The following OR7D4 variants were observed in gnomAD, a reference collection of about 807,000 sequenced individuals.
The protein encoded by OR7D4 is olfactory receptor 7D4.
For synonymous variants in OR7D4, 154 were observed against 158.4 expected (o/e 0.97, Z 0.21); for missense variants, 319 against 377.1 (o/e 0.85, Z 1.27).
At position 9,213,873 on chromosome 19, in the gene OR7D4, C is replaced by G; in HGVS notation, c.*26G>C. 1 of 1,543,520 alleles carries G rather than the reference C, an allele frequency of 6.5e-7. No homozygotes were observed. Among genetic ancestry groups the G allele is most frequent in the Non-Finnish European group, 8.9e-7 (1 of 1,118,532 alleles). ...TTTGCCTTAGGGGTACGCAGTGTGT[C>G]CTCTTAGTTCTGAGGCCCTGATTTG... is the stretch of plus-strand genomic sequence containing the variant. On this transcript the variant is annotated 3_prime_UTR_variant, in exon 2 of 2. Coordinates refer to ENST00000641669, the MANE Select transcript of OR7D4 (RefSeq NM_001005191.3).
At chr19:9,215,874 C>T (rs1389480937) in intron 1 of OR7D4, among the ~76,000 whole-genome samples, 6 of 152,134 alleles carry the variant, frequency 3.9e-5, no homozygotes, top group Admixed American at 1.3e-4. Flanking sequence ...AGTCTGTTTT[C>T]ACTCTGCTGA....
chr19:9,213,597 C>T lies in OR7D4; in HGVS notation c.*302G>A, dbSNP rs928238967. On this transcript the variant is annotated 3_prime_UTR_variant, in exon 2 of 2. Transcript: ENST00000641669. The stretch of plus-strand genomic sequence containing the variant: ...TACTAAAAATACAAAAATTAGCTGG[C>T]TGTGGTGGCACACACCTGTAATCTC... The T allele has an allele frequency of 3.9e-5, 12 of 306,152 alleles. No individual in the cohort carries two copies. Among genetic ancestry groups the T allele is most frequent in the Non-Finnish European group, 5.5e-5 (9 of 163,020 alleles). 19.0% of individuals were successfully genotyped at this position (306,152 alleles called of 1,614,324 possible). A position where few individuals can be genotyped will look rare whatever the true frequency, so the allele number is the denominator to read the frequency against.
At chr19:9,216,857 G>T (rs2051218188) in intron 1 of OR7D4, among the ~76,000 whole-genome samples, 1 of 152,206 alleles carries the variant, frequency 6.6e-6, no homozygotes, top group Non-Finnish European at 1.5e-5. Context: ...CTCCCAATGT[G>T]CTGAGATTAC....
intron 1 of OR7D4, among the ~76,000 whole-genome samples, chr19:9,216,539 C>G (rs957746436): frequency 6.6e-6 from 1 of 152,020 alleles, no homozygotes; most frequent in African/African-American, 2.4e-5. Context: ...TGTCATTTGT[C>G]TACTATGATT....
In OR7D4 at chr19:9,214,144, T is replaced by G; in HGVS notation, c.694A>C (p.Lys232Gln). The change falls in exon 2 of 2, where the codon AAG becomes CAG. Residue 232 changes from lysine to glutamine, a missense_variant. Transcript: ENST00000641669. ...GTGGAAAAGGCTTTGTACTTGCCCT[T>G]GGTGGAGGACATTCCCATTAAGGAG... The part of the protein sequence containing the change: ...VSSLMGMSST[K>Q]GKYKAFSTCG... The G allele has an allele frequency of 6.2e-7, 1 of 1,612,124 alleles. No individual in the cohort carries two copies. Among genetic ancestry groups the G allele is most frequent in the Non-Finnish European group, 8.5e-7 (1 of 1,178,174 alleles).
intron 1 of OR7D4, among the ~76,000 whole-genome samples, chr19:9,217,042 A>G (rs1056033783): frequency 1.3e-5 from 2 of 152,240 alleles, no homozygotes; most frequent in Non-Finnish European, 2.9e-5. Flanking sequence ...ACCACCACAC[A>G]GGACTCTCAA....
chr19:9,217,738 C>T (rs894718561), intron 1 of OR7D4, among the ~76,000 whole-genome samples: 3 of 152,090 alleles, frequency 2.0e-5, no homozygotes, highest in Non-Finnish European at 4.4e-5. Context: ...AGGGTTTCAC[C>T]TTGTTAGCCA....
chr19:9,212,668 A>C lies in OR7D4; in HGVS notation c.*1231T>G, dbSNP rs1030941219. ...ATGTCAGACTCATTCTGGCCAGTAT[A>C]TTACTAGGAACCATTTGACCCAACC... On this transcript the variant is annotated 3_prime_UTR_variant, in exon 2 of 2. Transcript: ENST00000641669. The C allele has an allele frequency of 6.6e-6, 1 of 152,170 alleles. No homozygotes were observed. Among genetic ancestry groups the C allele is most frequent in the Non-Finnish European group, 1.5e-5 (1 of 68,044 alleles). The allele number at this position is 152,170 out of a possible 1,614,324, so 9.4% of individuals were successfully genotyped here. A position where few individuals can be genotyped will look rare whatever the true frequency, so the allele number is the denominator to read the frequency against.
intron 1 of OR7D4, among the ~76,000 whole-genome samples, chr19:9,218,300 TAAATG>T (rs1427737924): frequency 6.6e-6 from 1 of 152,208 alleles, no homozygotes; most frequent in Non-Finnish European, 1.5e-5. Flanking sequence ...AAAATAATGA[TAAATG>T]AAGTAGTAAT....
Position 9,213,680 on chromosome 19 carries a change from G to A in OR7D4, c.*219C>T, listed in dbSNP as rs184082164. ...TTCAACCTGGGAGGTAGAGGTTGCA[G>A]TGAGCCAAGATTGCACCACTGCACT... On this transcript the variant is annotated 3_prime_UTR_variant, in exon 2 of 2. Transcript: ENST00000641669. 1.9e-6 allele frequency: 1 copy of A among 521,118 alleles called. No individual in the cohort carries two copies. Among genetic ancestry groups the A allele is most frequent in the African/African-American group, 1.9e-5 (1 of 52,308 alleles). The allele number at this position is 521,118 out of a possible 1,614,324, so 32.3% of individuals were successfully genotyped here. A position where few individuals can be genotyped will look rare whatever the true frequency, so the allele number is the denominator to read the frequency against.
Position 9,219,532 on chromosome 19 carries a change from C to T in OR7D4, c.-346G>A, listed in dbSNP as rs1010146304. The T allele has an allele frequency of 1.3e-5, 2 of 152,244 alleles. No individual in the cohort carries two copies. The highest frequency in any genetic ancestry group is 4.8e-5 in the African/African-American group (2 of 41,444). The allele number at this position is 152,244 out of a possible 1,614,324, so 9.4% of individuals were successfully genotyped here. On this transcript the variant is annotated 5_prime_UTR_variant, in exon 1 of 2. In the 5' UTR this introduces an upstream ATG that the reference lacks. Coordinates refer to ENST00000641669, the MANE Select transcript of OR7D4 (RefSeq NM_001005191.3). ...CCCCACCAGCCCTCACTGGGTCACACTAACTCTGATGGTTATCACTGAAGT... is the reference window on the plus strand; with the variant it reads ...CCCCACCAGCCCTCACTGGGTCACATTAACTCTGATGGTTATCACTGAAGT...
At chr19:9,218,800 TTTTG>T (rs2051236197) in intron 1 of OR7D4, among the ~76,000 whole-genome samples, 4 of 152,064 alleles carry the variant, frequency 2.6e-5, no homozygotes, top group Admixed American at 2.6e-4. Flanking sequence ...GGCTTTCTTT[TTTTG>T]TTATTGTTTA....
rs770770003 is a variant in OR7D4 at position 9,214,550 on chromosome 19, C to T, written c.288G>A (p.Gly96=). The change falls in exon 2 of 2, where the codon GGG becomes GGA. Residue 96 remains glycine (G), a synonymous_variant. Coordinates refer to ENST00000641669, the MANE Select transcript of OR7D4 (RefSeq NM_001005191.3). ...QARSKDISYM[G]CLTQVYFLMM... ...TTAAAAAATACACCTGAGTGAGGCA[C>T]CCCATGTAGGAGATGTCTTTGCTCC... The T allele has an allele frequency of 6.2e-6, 10 of 1,614,108 alleles. No homozygotes were observed. Among genetic ancestry groups the T allele is most frequent in the Middle Eastern group, 3.3e-4 (2 of 6,062 alleles).
rs2051197643 is a variant in OR7D4, at chr19:9,214,611, G to A, written c.227C>T (p.Thr76Ile). ...LSFVDICFIS[T>I]TVPKMLVSIQ... ...GCTCACTAGCATCTTGGGGACTGTG[G>A]TGGAGATGAAACAGATGTCAACAAA... Residue 76 changes from threonine (T) to isoleucine (I), a missense_variant, in exon 2 of 2, where the codon ACC (threonine) becomes ATC (isoleucine). By Grantham distance (89) the Thr-to-Ile change is moderately conservative (BLOSUM62 -1). Transcript: ENST00000641669. 2 of 1,614,142 alleles carry A rather than the reference G, an allele frequency of 1.2e-6. No individual in the cohort carries two copies. Among genetic ancestry groups the A allele is most frequent in the Non-Finnish European group, 1.7e-6 (2 of 1,179,976 alleles).
chr19:9,215,258 G>A lies in OR7D4; in HGVS notation c.-13-408C>T, dbSNP rs141706276. Among the ~76,000 whole-genome samples the A allele has an allele frequency of 5.2e-3, 774 of 147,716 alleles. 9 individuals carry two copies. In the East Asian group the frequency reaches 0.068, roughly 13 times the overall value. ...CTAAGGAGGCTGAGGCAGGAGAATCGCTTGAACCCAGGAGGCGGAGGTTGC... is the reference window on the plus strand; with the variant it reads ...CTAAGGAGGCTGAGGCAGGAGAATCACTTGAACCCAGGAGGCGGAGGTTGC... On this transcript the variant is annotated intron_variant, in intron 1 of 1. Transcript: ENST00000641669.
intron 1 of OR7D4, among the ~76,000 whole-genome samples, chr19:9,217,403 A>G (rs549033779): frequency 6.6e-5 from 10 of 152,356 alleles, no homozygotes; most frequent in African/African-American, 2.2e-4. Flanking sequence ...GTTACTATTT[A>G]TGCCTAGAGA....
rs2051186784 is a variant in OR7D4 at position 9,213,630 on chromosome 19, T to G, written c.*269A>C. 2.6e-6 allele frequency: 1 copy of G among 386,820 alleles called. No homozygotes were observed. The highest frequency in any genetic ancestry group is 4.1e-5 in the Admixed American group (1 of 24,436). The allele number at this position is 386,820 out of a possible 1,614,324, so 24.0% of individuals were successfully genotyped here. On this transcript the variant is annotated 3_prime_UTR_variant, in exon 2 of 2. Transcript: ENST00000641669. The stretch of plus-strand genomic sequence containing the variant: ...GCACACACCTGTAATCTCAGCTACT[T>G]GAGAGGCTGAGGCAGGAGAACCGCT...
rs1258950248 is a variant in OR7D4 at position 9,211,684 on chromosome 19, A to T, written c.*2215T>A. The T allele has an allele frequency of 6.6e-6, 1 of 151,862 alleles. No individual in the cohort carries two copies. Among genetic ancestry groups the T allele is most frequent in the East Asian group, 1.9e-4 (1 of 5,152 alleles). 9.4% of individuals were successfully genotyped at this position (151,862 alleles called of 1,614,324 possible). ...ATGGTGAAACCCCATCTCTACTAAA[A>T]ATACAAAAGATTAGCCGGGCATGGT... On this transcript the variant is annotated 3_prime_UTR_variant, in exon 2 of 2. Transcript: ENST00000641669.
chr19:9,212,443 A>G lies in OR7D4; in HGVS notation c.*1456T>C, dbSNP rs2051178565. The G allele has an allele frequency of 6.6e-6, 1 of 152,220 alleles. No individual in the cohort carries two copies. Among genetic ancestry groups the G allele is most frequent in the Admixed American group, 6.5e-5 (1 of 15,282 alleles). The allele number at this position is 152,220 out of a possible 1,614,324, so 9.4% of individuals were successfully genotyped here. A position where few individuals can be genotyped will look rare whatever the true frequency, so the allele number is the denominator to read the frequency against. ...GATTAGTATGCATTCCAAATCAGTG[A>G]AAAATGATAATATCTTTTGATACCA... On this transcript the variant is annotated 3_prime_UTR_variant, in exon 2 of 2. Transcript: ENST00000641669.
Sources: gnomAD v4.1 joint callset for allele counts (sites outside exome capture counted in the v4.1 genomes callset) on GRCh38, gnomAD v4.1.1 for gene constraint, MANE v1.5 for transcripts, NCBI Gene and HGNC (gene_info 2026-07-23, HGNC 2026-07-21) for gene names.